The following SLC3A1 variants were observed in gnomAD, a reference collection of about 807,000 sequenced individuals.
SLC3A1 encodes the protein amino acid transporter heavy chain SLC3A1.
Under a neutral mutation model 60.3 loss-of-function variants are expected in SLC3A1, and 78 were observed. The observed-to-expected ratio is 1.29, with a 90% confidence interval of 1.08 to 1.56. The LOEUF (loss-of-function observed/expected upper bound fraction) is 1.56. Ranked by LOEUF, SLC3A1 falls within the 40% of genes most tolerant of loss-of-function variation. The pLI is 0.00. For missense variants in SLC3A1, 1,172 were observed against 858.9 expected, an observed-to-expected ratio of 1.36 and a Z score of -4.56; for synonymous variants, 392 against 307.9, an observed-to-expected ratio of 1.27 and a Z score of -2.86.
At chr2:44,317,320 G>C (rs1672506253) in intron 9 of SLC3A1, among the ~76,000 whole-genome samples, 1 of 151,972 alleles carries the variant, frequency 6.6e-6, no homozygotes, top group Admixed American at 6.6e-5. Flanking sequence ...AAATTAGCTG[G>C]GCATAGTGGC....
Position 44,312,651 on chromosome 2 carries a change from C to CA in SLC3A1, c.1399dup (p.Met467AsnfsTer30). The CA allele has an allele frequency of 6.2e-7, 1 of 1,613,866 alleles. No individual in the cohort carries two copies. Among genetic ancestry groups the CA allele is most frequent in the Non-Finnish European group, 8.5e-7 (1 of 1,179,792 alleles). ...GGAATCAGTATGTCAACGTGATGAACATGCTTCTTTTCACACTCCCTGGAA... is the reference window on the plus strand; with the variant it reads ...GGAATCAGTATGTCAACGTGATGAACAATGCTTCTTTTCACACTCCCTGGAA... On this transcript the variant is annotated frameshift_variant, in exon 8 of 10. Transcript: ENST00000260649. LOFTEE classifies it high-confidence loss of function.
intron 4 of SLC3A1, among the ~76,000 whole-genome samples, chr2:44,290,111 T>TAA (rs1359303863): frequency 7.0e-6 from 1 of 143,852 alleles, no homozygotes; most frequent in Non-Finnish European, 1.5e-5. Context: ...GGTGTGAAGG[T>TAA]AAGCTGTCCG....
At chr2:44,299,689 C>G (rs1331565500) in intron 4 of SLC3A1, among the ~76,000 whole-genome samples, 1 of 152,172 alleles carries the variant, frequency 6.6e-6, no homozygotes, top group Non-Finnish European at 1.5e-5. Flanking sequence ...TTAGTAGACT[C>G]TCTAAACTTT....
intron 4 of SLC3A1, among the ~76,000 whole-genome samples, chr2:44,294,015 A>G (rs1671794661): frequency 6.6e-6 from 1 of 152,206 alleles, no homozygotes; most frequent in Non-Finnish European, 1.5e-5. Flanking sequence ...AAGTAAATAA[A>G]TACTATTGTG....
chr2:44,277,025 G>A (rs1329794309), intron 1 of SLC3A1, among the ~76,000 whole-genome samples: 2 of 151,036 alleles, frequency 1.3e-5, no homozygotes, highest in African/African-American at 4.9e-5. Flanking sequence ...TGCTACAAAT[G>A]AATTCTTGAA....
intron 9 of SLC3A1, chr2:44,318,327 G>A (rs186636011): frequency 4.9e-6 from 1 of 205,288 alleles, no homozygotes; most frequent in East Asian, 1.7e-4. Context: ...CCTGACCTCT[G>A]GTGATCTGTC....
intron 1 of SLC3A1, among the ~76,000 whole-genome samples, chr2:44,277,545 C>A (rs1277381960): frequency 2.6e-5 from 4 of 152,146 alleles, no homozygotes; most frequent in Non-Finnish European, 5.9e-5. Flanking sequence ...GGGCTCCCCA[C>A]CCCAGATCTT....
intron 5 of SLC3A1, 23 bp downstream of exon 5, chr2:44,300,113 T>C: frequency 6.2e-7 from 1 of 1,612,872 alleles, no homozygotes; most frequent in Non-Finnish European, 8.5e-7. Context: ...TTTAAACGTT[T>C]TTCTTTTGCC....
At chr2:44,301,375 A>G (rs1214861850) in intron 6 of SLC3A1, 3 of 606,652 alleles carry the variant, frequency 4.9e-6, no homozygotes, top group Non-Finnish European at 8.8e-6. Context: ...GAGTTTTGTG[A>G]AAATTAGGTT....
intron 3 of SLC3A1, chr2:44,285,542 T>C (rs558059122): frequency 1.1e-4 from 45 of 393,214 alleles, no homozygotes; most frequent in Non-Finnish European, 2.0e-4. Context: ...AAGTTGCTTT[T>C]TATTCTTGGA....
intron 7 of SLC3A1, among the ~76,000 whole-genome samples, chr2:44,307,173 T>A (rs950106503): frequency 2.0e-5 from 3 of 152,252 alleles, no homozygotes; most frequent in Non-Finnish European, 4.4e-5. Context: ...GTAGTATGTC[T>A]CAGTACATCG....
chr2:44,275,955 A>G lies in SLC3A1; in HGVS notation c.420A>G (p.Gly140=). The part of the protein sequence containing the change: ...SFKDSNKDGN[G]DLKGIQDKLD... ...AGGACAGTAACAAGGATGGGAACGGAGATCTGAAAGGTACATGCCCAGAGA... is the reference window on the plus strand; with the variant it reads ...AGGACAGTAACAAGGATGGGAACGGGGATCTGAAAGGTACATGCCCAGAGA... Residue 140 remains glycine (G), a synonymous_variant, in exon 1 of 10, where the codon GGA becomes GGG. Coordinates refer to ENST00000260649, the MANE Select transcript of SLC3A1 (RefSeq NM_000341.4). 3.7e-6 allele frequency: 6 copies of G among 1,614,100 alleles called. No individual in the cohort carries two copies. The highest frequency in any genetic ancestry group is 5.1e-6 in the Non-Finnish European group (6 of 1,179,934).
intron 3 of SLC3A1, among the ~76,000 whole-genome samples, chr2:44,282,196 C>G (rs980249154): frequency 6.6e-6 from 1 of 152,012 alleles, no homozygotes; most frequent in African/African-American, 2.4e-5. Context: ...GACTTTTTGT[C>G]TCCTCTGTCT....
intron 7 of SLC3A1, 108 bp downstream of exon 7, chr2:44,304,446 C>T: frequency 4.6e-6 from 4 of 873,756 alleles, no homozygotes; most frequent in Non-Finnish European, 7.5e-6. Context: ...TCACCTCTGC[C>T]TTATTTGGTG....
At chr2:44,311,632 C>T (rs1672299800) in intron 7 of SLC3A1, among the ~76,000 whole-genome samples, 1 of 151,788 alleles carries the variant, frequency 6.6e-6, no homozygotes, top group Non-Finnish European at 1.5e-5. Flanking sequence ...CAAAAATTGA[C>T]CTAATTTTCT....
At chr2:44,290,123 C>CTTT (rs34642873) in intron 4 of SLC3A1, among the ~76,000 whole-genome samples, 16 of 131,096 alleles carry the variant, frequency 1.2e-4, no homozygotes, top group South Asian at 4.9e-4. Context: ...AGCTGTCCGA[C>CTTT]TTTTTTTTTT....
At chr2:44,287,632 C>T (rs1271508664) in intron 4 of SLC3A1, among the ~76,000 whole-genome samples, 5 of 152,044 alleles carry the variant, frequency 3.3e-5, no homozygotes, top group Admixed American at 6.6e-5. Context: ...TGGGTTAGGG[C>T]GCTGAAGTAA....
chr2:44,292,494 C>G (rs1671761863), intron 4 of SLC3A1, among the ~76,000 whole-genome samples: 1 of 151,944 alleles, frequency 6.6e-6, no homozygotes, highest in Non-Finnish European at 1.5e-5. Flanking sequence ...AGATAGATAC[C>G]TCTTGTGGCC....
At chr2:44,322,027 A>ACCAC (rs983727217), downstream of SLC3A1, 8 of 930,924 alleles carry the variant, frequency 8.6e-6, no homozygotes, top group African/African-American at 1.3e-4. Context: ...AAAAGCAAAA[A>ACCAC]CCACCATCAT....
Sources: gnomAD v4.1 joint callset for allele counts (sites outside exome capture counted in the v4.1 genomes callset) on GRCh38, gnomAD v4.1.1 for gene constraint, MANE v1.5 for transcripts, NCBI Gene and HGNC (gene_info 2026-07-23, HGNC 2026-07-21) for gene names.